MACROD2: variants seen among roughly 807,000 people sequenced by gnomAD.
The protein encoded by MACROD2 is mono-ADP ribosylhydrolase 2.
In MACROD2, 36 loss-of-function variants were observed where a neutral mutation model predicts 70.4. The observed-to-expected ratio is 0.51, with a 90% CI of 0.39 to 0.68. MACROD2 has a LOEUF of 0.68. Among genes scored for constraint, MACROD2 ranks in the 30% least tolerant of loss-of-function variants. The pLI is 0.00. For missense variants in MACROD2, 496 were observed against 538.4 expected, an observed-to-expected ratio of 0.92 and a Z score of 0.78; for synonymous variants, 172 against 178.8, an observed-to-expected ratio of 0.96 and a Z score of 0.30.
At chr20:14,955,694 C>T (rs2074530224) in intron 5 of MACROD2, among the ~76,000 whole-genome samples, 1 of 152,036 alleles carries the variant, frequency 6.6e-6, no homozygotes, top group African/African-American at 2.4e-5. Context: ...ACTCTGCGAC[C>T]AGCGCTCCCC....
intron 5 of MACROD2, chr20:14,905,205 G>A (rs943741346): frequency 1.3e-5 from 2 of 152,106 alleles, no homozygotes; most frequent in African/African-American, 4.8e-5. Flanking sequence ...TGAAGAAAAT[G>A]TTTTGGACAT....
chr20:15,626,234 G>GA (rs143146296), intron 8 of MACROD2, among the ~76,000 whole-genome samples: 17,951 of 152,126 alleles, frequency 0.12, 1,178 homozygotes, highest in African/African-American at 0.14. Flanking sequence ...ATTTAGGTTA[G>GA]AAAAAAATGA....
At chr20:14,241,211 A>C (rs1346781949) in intron 3 of MACROD2, among the ~76,000 whole-genome samples, 2 of 152,258 alleles carry the variant, frequency 1.3e-5, no homozygotes, top group Non-Finnish European at 2.9e-5. Flanking sequence ...ATTAATAGGT[A>C]TGTGATGCAT....
chr20:15,011,494 G>T (rs2075082199), intron 5 of MACROD2, among the ~76,000 whole-genome samples: 1 of 152,110 alleles, frequency 6.6e-6, no homozygotes. Context: ...TACCTGTGAG[G>T]CTCCGTGATG....
At chr20:14,532,383 A>G (rs1210223231) in intron 4 of MACROD2, among the ~76,000 whole-genome samples, 1 of 146,080 alleles carries the variant, frequency 6.8e-6, no homozygotes, top group Admixed American at 7.0e-5. Context: ...ATGCCCGGCT[A>G]ATTTTTTTTT....
At chr20:14,261,410 C>A (rs1010203163) in intron 3 of MACROD2, among the ~76,000 whole-genome samples, 2 of 152,096 alleles carry the variant, frequency 1.3e-5, no homozygotes, top group Non-Finnish European at 2.9e-5. Flanking sequence ...TTTTCCTATA[C>A]TTATTTTGAA....
intron 6 of MACROD2, among the ~76,000 whole-genome samples, chr20:15,318,721 ATTATC>A (rs1243864811): frequency 2.0e-5 from 3 of 152,156 alleles, no homozygotes; most frequent in Non-Finnish European, 4.4e-5. Context: ...GGAAAAAATA[ATTATC>A]TTAACCAGTG....
rs2073346666 is a variant in MACROD2, at chr20:14,862,218, T to TAA, written c.418+177260_418+177261insAA. Among the ~76,000 whole-genome samples the TAA allele has an allele frequency of 9.3e-4, 32 of 34,346 alleles. 1 individual carries two copies. The highest frequency in any genetic ancestry group is 3.1e-3 in the African/African-American group (30 of 9,590). The allele number at this position is 34,346 out of a possible 152,430, so 22.5% of individuals were successfully genotyped here. ...ACATAAATATATAAATATATATATA[T>TAA]ATAAATATATATAAATATATATTTA... On this transcript the variant is annotated intron_variant, in intron 5 of 17. Coordinates refer to ENST00000684519, the MANE Select transcript of MACROD2 (RefSeq NM_001351661.2).
chr20:14,444,366 T>C (rs1286292391), intron 3 of MACROD2, among the ~76,000 whole-genome samples: 1 of 152,060 alleles, frequency 6.6e-6, no homozygotes, highest in Non-Finnish European at 1.5e-5. Context: ...TGATCGCCAT[T>C]CCCTCCTTGA....
At chr20:15,872,179 TA>T (rs1363247543) in intron 9 of MACROD2, among the ~76,000 whole-genome samples, 1 of 152,212 alleles carries the variant, frequency 6.6e-6, no homozygotes, top group Non-Finnish European at 1.5e-5. Context: ...CCTGAAAAGC[TA>T]GAGCTCCTCC....
chr20:15,195,306 A>C (rs539202093), intron 5 of MACROD2, among the ~76,000 whole-genome samples: 1 of 152,310 alleles, frequency 6.6e-6, no homozygotes, highest in South Asian at 2.1e-4. Context: ...CAACCTGCAG[A>C]ATGGACGAAA....
intron 5 of MACROD2, among the ~76,000 whole-genome samples, chr20:14,739,179 C>T (rs1754763677): frequency 6.6e-6 from 1 of 152,090 alleles, no homozygotes; most frequent in East Asian, 1.9e-4. Flanking sequence ...TAATCTTACT[C>T]TTGCTCTCAT....
chr20:14,556,033 A>G (rs1052044088), intron 4 of MACROD2, among the ~76,000 whole-genome samples: 1 of 152,080 alleles, frequency 6.6e-6, no homozygotes, highest in Non-Finnish European at 1.5e-5. Context: ...AATGTTTACA[A>G]TTACTTTTAG....
intron 8 of MACROD2, among the ~76,000 whole-genome samples, chr20:15,769,855 T>C (rs1003292884): frequency 1.3e-5 from 2 of 152,136 alleles, no homozygotes; most frequent in African/African-American, 4.8e-5. Flanking sequence ...GTCAGAAAAG[T>C]TTTACATTTG....
At chr20:15,781,652 A>G (rs1297967481) in intron 8 of MACROD2, among the ~76,000 whole-genome samples, 8 of 152,140 alleles carry the variant, frequency 5.3e-5, no homozygotes, top group Non-Finnish European at 8.8e-5. Flanking sequence ...AATCCCATTT[A>G]TGAGGAGAGG....
rs147687169 is a variant in MACROD2, at chr20:14,282,067, A to G, written c.271+196339A>G. On this transcript the variant is annotated intron_variant, in intron 3 of 17. Coordinates refer to ENST00000684519, the MANE Select transcript of MACROD2 (RefSeq NM_001351661.2). ...TGAGTAGCATTGCTTTACATTTTCT[A>G]CATACCTTTTTGCTGTTTGGCTTCA... Among the ~76,000 whole-genome samples, 422 of 152,166 alleles carry G rather than the reference A, an allele frequency of 2.8e-3. 3 individuals carry two copies. The highest frequency in any genetic ancestry group is 3.7e-3 in the Admixed American group (56 of 15,272).
intron 12 of MACROD2, among the ~76,000 whole-genome samples, chr20:15,938,326 G>A (rs1158717320): frequency 6.6e-6 from 1 of 152,048 alleles, no homozygotes; most frequent in Admixed American, 6.6e-5. Flanking sequence ...GAAGTTTTGT[G>A]GGAACCCTGC....
At chr20:15,237,209 C>T (rs528739300) in intron 6 of MACROD2, among the ~76,000 whole-genome samples, 2 of 152,266 alleles carry the variant, frequency 1.3e-5, no homozygotes, top group East Asian at 3.9e-4. Flanking sequence ...TCACTGTATC[C>T]TGGACTATCA....
chr20:14,548,938 A>G (rs1401689174), intron 4 of MACROD2, among the ~76,000 whole-genome samples: 2 of 152,148 alleles, frequency 1.3e-5, no homozygotes, highest in Non-Finnish European at 2.9e-5. Context: ...CCTCGGAGCT[A>G]TCCCACCTGA....
Sources: allele counts gnomAD v4.1 joint callset (sites outside exome capture counted in the v4.1 genomes callset), GRCh38; gene constraint gnomAD v4.1.1; transcripts MANE v1.5; gene names NCBI Gene and HGNC (gene_info 2026-07-23, HGNC 2026-07-21).